Variants in ALDH5A1 observed in about 807,000 individuals in gnomAD.
ALDH5A1 encodes the protein succinate-semialdehyde dehydrogenase, mitochondrial.
Under a neutral mutation model 54.7 loss-of-function variants are expected in ALDH5A1, and 33 were observed. The observed-to-expected ratio is 0.60, with a 90% CI of 0.46 to 0.81. ALDH5A1 has a LOEUF of 0.81. Ranked by LOEUF, ALDH5A1 falls within the 30% of genes least tolerant of loss-of-function variation. The pLI is 0.00. For synonymous variants in ALDH5A1, 294 were observed against 292.7 expected (o/e 1.00, Z -0.05); for missense variants, 657 against 711.0 (o/e 0.92, Z 0.86).
At position 24,532,195 on chromosome 6, in the gene ALDH5A1, T is replaced by G; in HGVS notation, c.1402+18T>G. ...GTTAGCAGGTAGGTGTTTGTCCTTG[T>G]TCAATACCAGTCATAATCATTTTTC... On this transcript the variant is annotated intron_variant, in intron 9 of 9. Coordinates refer to ENST00000357578, the MANE Select transcript of ALDH5A1 (RefSeq NM_001080.3). The G allele has an allele frequency of 6.2e-7, 1 of 1,612,382 alleles. No individual in the cohort carries two copies.
Position 24,495,087 on chromosome 6 carries a change from C to T in ALDH5A1, c.91C>T (p.Leu31=). ...GCRLRPRAGG[L]VPASGPAPGP... ...CCGCCTCCGCCCCCGCGCCGGCGGCCTGGTCCCTGCCTCCGGGCCTGCGCC... is the reference window on the plus strand; with the variant it reads ...CCGCCTCCGCCCCCGCGCCGGCGGCTTGGTCCCTGCCTCCGGGCCTGCGCC... Residue 31 remains leucine, a synonymous_variant, in exon 1 of 10, where the codon CTG becomes TTG. Transcript: ENST00000357578. 1 of 1,323,060 alleles carries T rather than the reference C, an allele frequency of 7.6e-7. No homozygotes were observed. The highest frequency in any genetic ancestry group is 9.6e-7 in the Non-Finnish European group (1 of 1,039,838). The allele number at this position is 1,323,060 out of a possible 1,614,324, so 82.0% of individuals were successfully genotyped here. A position where few individuals can be genotyped will look rare whatever the true frequency, so the allele number is the denominator to read the frequency against.
intron 5 of ALDH5A1, among the ~76,000 whole-genome samples, chr6:24,516,517 G>A (rs1209174475): frequency 2.0e-5 from 3 of 151,170 alleles, no homozygotes; most frequent in Admixed American, 2.0e-4. Context: ...AAATCAAGGT[G>A]GAACAAAATT....
At position 24,495,166 on chromosome 6, in the gene ALDH5A1, C is replaced by G; in HGVS notation, c.170C>G (p.Ala57Gly). 1 of 1,479,986 alleles carries G rather than the reference C, an allele frequency of 6.8e-7. No homozygotes were observed. Among genetic ancestry groups the G allele is most frequent in the Non-Finnish European group, 8.9e-7 (1 of 1,122,694 alleles). 91.7% of individuals were successfully genotyped at this position (1,479,986 alleles called of 1,614,324 possible). Residue 57 changes from alanine (A) to glycine (G), a missense_variant, in exon 1 of 10, where the codon GCG (alanine) becomes GGG (glycine). Physicochemically the swap from Ala to Gly is moderately conservative, Grantham distance 60. Coordinates refer to ENST00000357578, the MANE Select transcript of ALDH5A1 (RefSeq NM_001080.3). Reference protein sequence around the residue: ...YAGRLAGLSAALLRTDSFVGG... With the variant: ...YAGRLAGLSAGLLRTDSFVGG... The stretch of plus-strand genomic sequence containing the variant: ...GGGCGCCTGGCGGGCCTCTCTGCGG[C>G]GCTGCTGCGCACCGACAGCTTCGTG...
intron 3 of ALDH5A1, 63 bp from the exon 4 acceptor site, chr6:24,504,806 C>G (rs1759305972): frequency 6.7e-7 from 1 of 1,488,014 alleles, no homozygotes; most frequent in Non-Finnish European, 9.4e-7. Flanking sequence ...CCCAACATGC[C>G]TTCCTTTGCA....
intron 1 of ALDH5A1, among the ~76,000 whole-genome samples, chr6:24,498,801 T>A (rs1368203765): frequency 6.6e-6 from 1 of 152,026 alleles, no homozygotes; most frequent in Non-Finnish European, 1.5e-5. Context: ...CTGTCTCTAC[T>A]AAAAATACAA....
chr6:24,533,792 A>T lies in ALDH5A1; in HGVS notation c.*80A>T. The T allele has an allele frequency of 7.5e-7, 1 of 1,326,120 alleles. No homozygotes were observed. The highest frequency in any genetic ancestry group is 1.1e-6 in the Non-Finnish European group (1 of 947,628). 82.1% of individuals were successfully genotyped at this position (1,326,120 alleles called of 1,614,324 possible). Reference sequence around the variant, plus strand: ...ACATGCCATCCATTATTTTAAATAAACTAATAGGTTTTCAGAATTATGAAT... The same window carrying T: ...ACATGCCATCCATTATTTTAAATAATCTAATAGGTTTTCAGAATTATGAAT... On this transcript the variant is annotated 3_prime_UTR_variant, in exon 10 of 10. Transcript: ENST00000357578.
At position 24,532,077 on chromosome 6, in the gene ALDH5A1, T is replaced by C. The variant is rs750911203; in HGVS notation, c.1344-42T>C. 7 of 1,587,958 alleles carry C rather than the reference T, an allele frequency of 4.4e-6. No individual in the cohort carries two copies. The Admixed American group carries it at 1.2e-4, about 26-fold the overall frequency. On this transcript the variant is annotated intron_variant, in intron 8 of 9. Coordinates refer to ENST00000357578, the MANE Select transcript of ALDH5A1 (RefSeq NM_001080.3). ...AGAAAACAAAACTGGTTTCCTTTCCTCTCCCCCTTACATTTTTTATGACCT... is the reference window on the plus strand; with the variant it reads ...AGAAAACAAAACTGGTTTCCTTTCCCCTCCCCCTTACATTTTTTATGACCT...
chr6:24,532,598 T>A (rs1321574690), intron 9 of ALDH5A1, among the ~76,000 whole-genome samples: 2 of 152,072 alleles, frequency 1.3e-5, no homozygotes, highest in African/African-American at 4.8e-5. Flanking sequence ...GTGAAGATGG[T>A]GTGTGCAGAG....
At chr6:24,500,366 C>T (rs1764795501) in intron 1 of ALDH5A1, among the ~76,000 whole-genome samples, 1 of 152,086 alleles carries the variant, frequency 6.6e-6, no homozygotes, top group Non-Finnish European at 1.5e-5. Context: ...CAGTGAGCCA[C>T]TATAATAGGG....
Position 24,533,577 on chromosome 6 carries a change from C to T in ALDH5A1, c.1473C>T (p.Gly491=), listed in dbSNP as rs369192820. 58 of 1,613,978 alleles carry T rather than the reference C, an allele frequency of 3.6e-5. No homozygotes were observed. The highest frequency in any genetic ancestry group is 7.7e-5 in the South Asian group (7 of 91,078). ...AGCAGCTGGAAGTGGGCATGGTTGG[C>T]GTCAACGAAGGATTAATTTCCTCTG... ...VAEQLEVGMV[G]VNEGLISSVE... The change falls in exon 10 of 10, where the codon GGC becomes GGT. Residue 491 remains glycine (G), a synonymous_variant. Coordinates refer to ENST00000357578, the MANE Select transcript of ALDH5A1 (RefSeq NM_001080.3).
chr6:24,505,140 A>G (rs567223953), intron 4 of ALDH5A1, among the ~76,000 whole-genome samples, 155 bp downstream of exon 4: 1 of 152,336 alleles, frequency 6.6e-6, no homozygotes, highest in Admixed American at 6.5e-5. Context: ...ACTTTAAGTC[A>G]GCTGTAGCTC....
chr6:24,525,211 A>T (rs1759777578), intron 7 of ALDH5A1, among the ~76,000 whole-genome samples: 1 of 152,188 alleles, frequency 6.6e-6, no homozygotes, highest in Admixed American at 6.5e-5. Context: ...TTGGGGAGGA[A>T]GGGGGTATTT....
chr6:24,499,156 C>T (rs1244332249), intron 1 of ALDH5A1, among the ~76,000 whole-genome samples: 3 of 150,278 alleles, frequency 2.0e-5, no homozygotes, highest in African/African-American at 7.3e-5. Flanking sequence ...TTGTGGCATG[C>T]ACCTGTATGT....
chr6:24,519,452 C>T (rs1457879153), intron 5 of ALDH5A1, among the ~76,000 whole-genome samples: 1 of 152,024 alleles, frequency 6.6e-6, no homozygotes, highest in Non-Finnish European at 1.5e-5. Flanking sequence ...GTAATGCCAG[C>T]TACTCAAGAG....
At chr6:24,524,492 C>T (rs1425659192) in intron 7 of ALDH5A1, among the ~76,000 whole-genome samples, 3 of 152,146 alleles carry the variant, frequency 2.0e-5, no homozygotes, top group African/African-American at 7.2e-5. Context: ...TCCTCAACCT[C>T]CTCAGAGCCT....
chr6:24,510,061 C>T (rs925825143), intron 4 of ALDH5A1, among the ~76,000 whole-genome samples: 3 of 152,020 alleles, frequency 2.0e-5, no homozygotes, highest in Non-Finnish European at 2.9e-5. Context: ...CATTTTTGAC[C>T]TAATGATCAT....
At chr6:24,508,792 A>AT (rs1383335385) in intron 4 of ALDH5A1, among the ~76,000 whole-genome samples, 2 of 152,010 alleles carry the variant, frequency 1.3e-5, no homozygotes, top group Non-Finnish European at 2.9e-5. Flanking sequence ...TTATTTTTTA[A>AT]TTTTTTTACT....
chr6:24,502,089 A>G (rs151234508), intron 1 of ALDH5A1, among the ~76,000 whole-genome samples: 6 of 152,180 alleles, frequency 3.9e-5, no homozygotes, highest in African/African-American at 1.4e-4. Flanking sequence ...AAGAAAGCTG[A>G]TATGTCCAGT....
At chr6:24,516,159 G>T (rs915937699) in intron 5 of ALDH5A1, among the ~76,000 whole-genome samples, 2 of 151,934 alleles carry the variant, frequency 1.3e-5, no homozygotes, top group African/African-American at 4.8e-5. Flanking sequence ...AAAGAGGGCC[G>T]GGCGCGGTGG....
Sources: gnomAD v4.1 joint callset for allele counts (sites outside exome capture counted in the v4.1 genomes callset) on GRCh38, gnomAD v4.1.1 for gene constraint, MANE v1.5 for transcripts, NCBI Gene and HGNC (gene_info 2026-07-23, HGNC 2026-07-21) for gene names.